Variants in GRIK2 observed in about 807,000 individuals in gnomAD.
The protein encoded by GRIK2 is glutamate receptor ionotropic, kainate 2.
GRIK2 carries 32 observed loss-of-function variants against 100.3 expected under a neutral mutation model. The ratio of observed to expected loss-of-function variants is 0.32; its 90% CI spans 0.24 to 0.43. The LOEUF (loss-of-function observed/expected upper bound fraction) is 0.43, where lower values mean the gene tolerates loss of function less well. GRIK2 is among the 20% of genes least tolerant of loss of function. GRIK2 has a pLI of 1.00. For missense variants in GRIK2, 843 were observed against 1,114.9 expected (o/e 0.76, Z 3.47); for synonymous variants, 417 against 389.4 (o/e 1.07, Z -0.83).
At chr6:101,869,395 T>A (rs1785246174) in intron 11 of GRIK2, among the ~76,000 whole-genome samples, 1 of 151,922 alleles carries the variant, frequency 6.6e-6, no homozygotes, top group Admixed American at 6.6e-5. Flanking sequence ...CCACTGTTGT[T>A]TTGTGCCAAA....
At chr6:101,924,945 T>C (rs187472444) in intron 13 of GRIK2, among the ~76,000 whole-genome samples, 1 of 152,210 alleles carries the variant, frequency 6.6e-6, no homozygotes, top group Non-Finnish European at 1.5e-5. Flanking sequence ...ACTCATCTAT[T>C]TTTTTCCTTA....
At chr6:101,455,494 G>C (rs1770953966) in intron 2 of GRIK2, among the ~76,000 whole-genome samples, 1 of 151,878 alleles carries the variant, frequency 6.6e-6, no homozygotes, top group East Asian at 1.9e-4. Context: ...CCTGCTTCTA[G>C]AATGCCATGG....
intron 11 of GRIK2, among the ~76,000 whole-genome samples, chr6:101,876,764 C>T (rs371753369): frequency 6.6e-5 from 10 of 151,988 alleles, no homozygotes; most frequent in Admixed American, 5.3e-4. Flanking sequence ...ACAAAACACC[C>T]AGCATCCTTC....
At chr6:102,064,129 T>A in intron 16 of GRIK2, 1 of 697,070 alleles carries the variant, frequency 1.4e-6, no homozygotes, top group Non-Finnish European at 2.5e-6. Context: ...GTTGTTTTCA[T>A]CCTAAGGAAC....
At chr6:101,639,407 C>G (rs2128323693) in intron 4 of GRIK2, among the ~76,000 whole-genome samples, 1 of 152,146 alleles carries the variant, frequency 6.6e-6, no homozygotes, top group African/African-American at 2.4e-5. Context: ...TAAATTTAAT[C>G]CAGATAGGAT....
At chr6:101,551,801 A>G (rs558509950) in intron 2 of GRIK2, among the ~76,000 whole-genome samples, 1 of 152,278 alleles carries the variant, frequency 6.6e-6, no homozygotes, top group African/African-American at 2.4e-5. Flanking sequence ...CATTCTTGGA[A>G]TTCTATCTTG....
rs1280443514 is a variant in GRIK2, at chr6:101,977,649, T to A, written c.2085+49017T>A. On this transcript the variant is annotated intron_variant, in intron 14 of 16. Coordinates refer to ENST00000369134, the MANE Select transcript of GRIK2 (RefSeq NM_021956.5). ...TGTGTGGCTTTGGAGTAAAAGCCAT[T>A]GTGGACCCCAAGGTGCTGGAGGCTG... Among the ~76,000 whole-genome samples, 6 of 152,068 alleles carry A rather than the reference T, an allele frequency of 3.9e-5. No individual in the cohort carries two copies. The East Asian group carries it at 1.2e-3, about 30-fold the overall frequency.
intron 14 of GRIK2, among the ~76,000 whole-genome samples, chr6:101,999,584 G>A (rs1176513197): frequency 2.0e-5 from 3 of 151,872 alleles, no homozygotes; most frequent in African/African-American, 7.2e-5. Flanking sequence ...TCTCTTATTA[G>A]TTCAAGAAGA....
At chr6:102,064,168 G>GC in intron 16 of GRIK2, 1 of 570,406 alleles carries the variant, frequency 1.8e-6, no homozygotes, top group Non-Finnish European at 3.1e-6. Context: ...CAGTGCGTGG[G>GC]TTTCCACCCC....
intron 7 of GRIK2, among the ~76,000 whole-genome samples, chr6:101,733,133 T>C (rs1432652678): frequency 6.6e-6 from 1 of 152,036 alleles, no homozygotes; most frequent in South Asian, 2.1e-4. Context: ...ACATACAAAA[T>C]ACGTTCATTT....
intron 14 of GRIK2, among the ~76,000 whole-genome samples, chr6:101,950,288 C>A (rs971909871): frequency 1.3e-5 from 2 of 151,856 alleles, no homozygotes; most frequent in Non-Finnish European, 2.9e-5. Flanking sequence ...TTTTTTGGAC[C>A]AATTTTTATA....
intron 4 of GRIK2, among the ~76,000 whole-genome samples, chr6:101,669,705 A>C (rs1770287896): frequency 6.6e-6 from 1 of 152,190 alleles, no homozygotes; most frequent in Non-Finnish European, 1.5e-5. Flanking sequence ...ACCTTCATCC[A>C]CATAAGTTAT....
chr6:101,426,778 C>A (rs76236124), intron 2 of GRIK2, among the ~76,000 whole-genome samples: 7,043 of 152,138 alleles, frequency 0.046, 392 homozygotes, highest in East Asian at 0.29. Context: ...CTTCCCTTTT[C>A]TTCCCTTTCA....
intron 7 of GRIK2, among the ~76,000 whole-genome samples, chr6:101,734,903 A>G (rs1176544249): frequency 1.3e-5 from 2 of 152,182 alleles, no homozygotes; most frequent in Non-Finnish European, 2.9e-5. Flanking sequence ...CATGGAGAAG[A>G]AAGTGGAGTT....
chr6:101,846,036 G>A (rs1326239833), intron 10 of GRIK2, among the ~76,000 whole-genome samples: 1 of 151,676 alleles, frequency 6.6e-6, no homozygotes, highest in Non-Finnish European at 1.5e-5. Flanking sequence ...TGTTGTAGGA[G>A]TTCTTTATAT....
At chr6:101,544,871 C>A (rs934172833) in intron 2 of GRIK2, among the ~76,000 whole-genome samples, 4 of 152,130 alleles carry the variant, frequency 2.6e-5, no homozygotes, top group African/African-American at 9.7e-5. Context: ...TACAATCTGC[C>A]AATTTCTTCT....
chr6:101,794,248 T>G (rs1780124845), intron 7 of GRIK2, among the ~76,000 whole-genome samples: 1 of 152,120 alleles, frequency 6.6e-6, no homozygotes, highest in Admixed American at 6.5e-5. Context: ...CACTCCCTAG[T>G]GAGATGAACC....
chr6:101,860,641 A>G (rs900470875), intron 11 of GRIK2, among the ~76,000 whole-genome samples: 3 of 152,176 alleles, frequency 2.0e-5, no homozygotes, highest in Non-Finnish European at 4.4e-5. Context: ...AGGCAGCATC[A>G]AGGTTGGTTG....
intron 10 of GRIK2, among the ~76,000 whole-genome samples, chr6:101,844,767 C>T (rs773066694): frequency 2.6e-5 from 4 of 152,016 alleles, no homozygotes; most frequent in Non-Finnish European, 4.4e-5. Context: ...TTTGGTACAG[C>T]GTTTGGCAAA....
Sources: allele counts gnomAD v4.1 joint callset (sites outside exome capture counted in the v4.1 genomes callset), GRCh38; gene constraint gnomAD v4.1.1; transcripts MANE v1.5; gene names NCBI Gene and HGNC (gene_info 2026-07-23, HGNC 2026-07-21).